DACH2: variants seen among roughly 807,000 people sequenced by gnomAD.
DACH2 encodes the protein dachshund homolog 2.
A neutral mutation model predicts 35.8 loss-of-function variants in DACH2; 17 were observed. That is an observed-to-expected ratio of 0.48 (90% confidence interval 0.33 to 0.71). DACH2 has a LOEUF of 0.71. Ranked by LOEUF, DACH2 falls within the 30% of genes least tolerant of loss-of-function variation. The pLI is 0.02. For synonymous variants in DACH2, 195 were observed against 177.3 expected (o/e 1.10, Z -0.79); for missense variants, 469 against 472.7 (o/e 0.99, Z 0.07).
At chrX:86,502,011 T>TTTCC (rs533021751) in intron 2 of DACH2, among the ~76,000 whole-genome samples, 5,860 of 95,492 alleles carry the variant, frequency 0.061, 162 homozygotes, top group Non-Finnish European at 0.088. Context: ...TCTTTCCTTC[T>TTTCC]TTCCTTCCTT....
intron 2 of DACH2, among the ~76,000 whole-genome samples, chrX:86,425,028 T>C (rs746407330): frequency 1.9e-4 from 21 of 111,365 alleles, no homozygotes; most frequent in Non-Finnish European, 4.0e-4. Context: ...TAGAGCCCAC[T>C]TGGTCATGAT....
At chrX:86,465,124 TA>T (rs1281894897) in intron 2 of DACH2, among the ~76,000 whole-genome samples, 6 of 112,194 alleles carry the variant, frequency 5.3e-5, no homozygotes, top group Non-Finnish European at 1.1e-4. Context: ...GATAATGTCA[TA>T]AAATTACACT....
At position 86,469,358 on chromosome X, in the gene DACH2, C is replaced by T. The variant is rs1346070598; in HGVS notation, c.528-44921C>T. Among the ~76,000 whole-genome samples the T allele has an allele frequency of 9.0e-5, 10 of 110,870 alleles. No individual in the cohort carries two copies. In the Admixed American group the frequency reaches 9.7e-4, roughly 11 times the overall value. The stretch of plus-strand genomic sequence containing the variant: ...TTAGGAAGGAGATTTTAAGTGTTCT[C>T]ACCACAAAAAGGATGTGAGGTGATA... On this transcript the variant is annotated intron_variant, in intron 2 of 11. Transcript: ENST00000373125.
intron 7 of DACH2, among the ~76,000 whole-genome samples, chrX:86,802,562 TGTC>T (rs1190036500): frequency 5.9e-5 from 6 of 102,220 alleles, no homozygotes; most frequent in Non-Finnish European, 1.2e-4. Context: ...GAAGACTGGA[TGTC>T]TCCTGGCAGG....
intron 7 of DACH2, among the ~76,000 whole-genome samples, chrX:86,795,278 G>GGCTGGAGT (rs1569483068): frequency 9.9e-6 from 1 of 101,420 alleles, no homozygotes; most frequent in Non-Finnish European, 2.0e-5. Flanking sequence ...CTGTCACCCA[G>GGCTGGAGT]GCTGGAGTGC....
chrX:86,439,260 C>T, intron 2 of DACH2, among the ~76,000 whole-genome samples: 1 of 111,605 alleles, frequency 9.0e-6, no homozygotes, highest in Middle Eastern at 4.7e-3. Flanking sequence ...TACTTTTTTA[C>T]TATCGAGTTG....
rs1036836397 is a variant in DACH2 at position 86,244,256 on chromosome X, C to G, written c.488+95148C>G. Among the ~76,000 whole-genome samples, 3 of 111,937 alleles carry G rather than the reference C, an allele frequency of 2.7e-5. No homozygotes were observed. In the Admixed American group the frequency reaches 2.9e-4, roughly 11 times the overall value. ...ACTGAATTTGAACAGGGGACAAAAG[C>G]CTTTCTGTTCTATAATCATCCTCTG... is the stretch of plus-strand genomic sequence containing the variant. On this transcript the variant is annotated intron_variant, in intron 1 of 11. Coordinates refer to ENST00000373125, the MANE Select transcript of DACH2 (RefSeq NM_053281.3).
At chrX:86,429,729 GT>G (rs2148168985) in intron 2 of DACH2, among the ~76,000 whole-genome samples, 1 of 109,682 alleles carries the variant, frequency 9.1e-6, no homozygotes, top group Admixed American at 9.8e-5. Context: ...CACCCAGCTA[GT>G]TTTTGTATTT....
chrX:86,771,429 G>A (rs1602926892), intron 7 of DACH2, among the ~76,000 whole-genome samples: 1 of 112,440 alleles, frequency 8.9e-6, no homozygotes, highest in East Asian at 2.8e-4. Flanking sequence ...GGTTTCCATG[G>A]GAAAGGGTGA....
At chrX:86,216,212 T>C (rs373576469) in intron 1 of DACH2, among the ~76,000 whole-genome samples, 17 of 112,274 alleles carry the variant, frequency 1.5e-4, no homozygotes, top group African/African-American at 5.5e-4. Flanking sequence ...CATGGAGATA[T>C]GTATTTTTTA....
intron 2 of DACH2, among the ~76,000 whole-genome samples, chrX:86,398,932 G>T (rs1434438424): frequency 1.8e-5 from 2 of 111,459 alleles, no homozygotes; most frequent in African/African-American, 6.5e-5. Context: ...TCAATTCCTG[G>T]ATATCCTTGT....
chrX:86,539,929 A>C (rs1156517495), intron 3 of DACH2, among the ~76,000 whole-genome samples: 2 of 111,313 alleles, frequency 1.8e-5, no homozygotes, highest in Non-Finnish European at 3.8e-5. Context: ...ATTACAATTG[A>C]TCCATTCGAA....
At chrX:86,208,439 C>T (rs2032368737) in intron 1 of DACH2, among the ~76,000 whole-genome samples, 1 of 111,193 alleles carries the variant, frequency 9.0e-6, no homozygotes, top group Non-Finnish European at 1.9e-5. Context: ...CTTGAATTTA[C>T]CTTCTGTAAA....
chrX:86,694,162 T>A (rs937253950), intron 4 of DACH2, among the ~76,000 whole-genome samples: 9 of 111,741 alleles, frequency 8.1e-5, no homozygotes, highest in African/African-American at 2.9e-4. Flanking sequence ...GACCCCTGAA[T>A]GAATGAAGCA....
intron 1 of DACH2, among the ~76,000 whole-genome samples, chrX:86,298,235 A>T (rs1005852556): frequency 1.8e-5 from 2 of 111,888 alleles, no homozygotes; most frequent in Admixed American, 1.9e-4. Flanking sequence ...ATATATTTCC[A>T]TAATTCTCAG....
At chrX:86,445,344 T>A in intron 2 of DACH2, among the ~76,000 whole-genome samples, 1 of 55,910 alleles carries the variant, frequency 1.8e-5, no homozygotes, top group Non-Finnish European at 3.0e-5. Flanking sequence ...AATATCACAC[T>A]CTGGGGACTG....
At position 86,408,411 on chromosome X, in the gene DACH2, A is replaced by T. The variant is rs756243454; in HGVS notation, c.527+31549A>T. ...TTGCCAGTGGTATGACTCAAGGGTT[A>T]TGGGATCATGTGAAAGCATTCCTCT... is the stretch of plus-strand genomic sequence containing the variant. On this transcript the variant is annotated intron_variant, in intron 2 of 11. Transcript: ENST00000373125. 1.1e-4 allele frequency among the ~76,000 whole-genome samples: 12 copies of T among 111,656 alleles called. 1 individual carries two copies. In the South Asian group the frequency reaches 3.7e-3, roughly 35 times the overall value.
intron 1 of DACH2, among the ~76,000 whole-genome samples, chrX:86,242,659 G>T (rs1275456738): frequency 9.0e-6 from 1 of 111,252 alleles, no homozygotes; most frequent in Non-Finnish European, 1.9e-5. Flanking sequence ...GAAGCCAGGG[G>T]CTGAGTGATA....
At chrX:86,739,599 G>T (rs1003660497) in intron 6 of DACH2, 148 bp from the exon 7 acceptor site, 69 of 482,335 alleles carry the variant, frequency 1.4e-4, no homozygotes, top group Middle Eastern at 7.0e-4. Flanking sequence ...ATATATTTTT[G>T]TTTAAATATA....
Sources: gnomAD v4.1 joint callset for allele counts (sites outside exome capture counted in the v4.1 genomes callset) on GRCh38, gnomAD v4.1.1 for gene constraint, MANE v1.5 for transcripts, NCBI Gene and HGNC (gene_info 2026-07-23, HGNC 2026-07-21) for gene names.